CACNA1B: variants seen among roughly 807,000 people sequenced by gnomAD.
CACNA1B encodes voltage-dependent N-type calcium channel subunit alpha-1B.
In CACNA1B, 70 loss-of-function variants were observed where a neutral mutation model predicts 247.2. The ratio of observed to expected loss-of-function variants is 0.28; its 90% CI spans 0.23 to 0.35. CACNA1B has a LOEUF of 0.35. Ranked by LOEUF, CACNA1B falls within the 10% of genes least tolerant of loss-of-function variation. CACNA1B has a pLI of 1.00. For missense variants in CACNA1B, 2,367 were observed against 3,197.4 expected (o/e 0.74, Z 6.26); for synonymous variants, 1,231 against 1,294.4 (o/e 0.95, Z 1.05).
Position 138,088,680 on chromosome 9 carries a change from C to A in CACNA1B, c.5095-7804C>A, listed in dbSNP as rs150144410. On this transcript the variant is annotated intron_variant, in intron 36 of 46. Coordinates refer to ENST00000371372, the MANE Select transcript of CACNA1B (RefSeq NM_000718.4). ...ATTTAAAAATCTCCCATCGGCCGGGCATGGTGGCTTACGTTTGTAATCCCA... is the reference window on the plus strand; with the variant it reads ...ATTTAAAAATCTCCCATCGGCCGGGAATGGTGGCTTACGTTTGTAATCCCA... Among the ~76,000 whole-genome samples the A allele has an allele frequency of 8.5e-3, 1,296 of 151,904 alleles. 19 individuals carry two copies. Among genetic ancestry groups the A allele is most frequent in the African/African-American group, 0.029 (1,199 of 41,448 alleles).
At position 137,944,792 on chromosome 9, in the gene CACNA1B, G is replaced by A. The variant is rs536773609; in HGVS notation, c.967-7482G>A. Among the ~76,000 whole-genome samples the A allele has an allele frequency of 9.2e-5, 14 of 152,292 alleles. No individual in the cohort carries two copies. The South Asian group carries it at 2.9e-3, about 32-fold the overall frequency. On this transcript the variant is annotated intron_variant, in intron 6 of 46. Coordinates refer to ENST00000371372, the MANE Select transcript of CACNA1B (RefSeq NM_000718.4). ...CCTAAGGGGTAGCAGGGCTGGAGGG[G>A]GAGATTGTTTCTCTCCAAATATGAG...
intron 12 of CACNA1B, among the ~76,000 whole-genome samples, chr9:137,980,702 C>A (rs1463915017): frequency 6.6e-6 from 1 of 152,148 alleles, no homozygotes; most frequent in Non-Finnish European, 1.5e-5. Context: ...GTCTATTGTT[C>A]CCTTCTTTGT....
intron 15 of CACNA1B, among the ~76,000 whole-genome samples, chr9:137,997,238 A>AT (rs1362762428): frequency 1.3e-5 from 2 of 151,800 alleles, no homozygotes; most frequent in African/African-American, 4.8e-5. Context: ...GTCCGTGATA[A>AT]TTTTTTTTTA....
At chr9:138,006,087 A>G (rs1158750260) in intron 15 of CACNA1B, among the ~76,000 whole-genome samples, 4 of 151,958 alleles carry the variant, frequency 2.6e-5, no homozygotes, top group Non-Finnish European at 5.9e-5. Context: ...CCACAAATAA[A>G]TAGAAAGTGA....
intron 15 of CACNA1B, among the ~76,000 whole-genome samples, chr9:137,999,462 A>G (rs4242593): frequency 0.99 from 150,155 of 151,870 alleles, 74,239 homozygotes; most frequent in Middle Eastern, 1. Flanking sequence ...ACACTTAAAG[A>G]AAAACTTATA....
At chr9:138,101,279 G>A (rs1219611098) in intron 37 of CACNA1B, 6 of 472,888 alleles carry the variant, frequency 1.3e-5, no homozygotes, top group Non-Finnish European at 2.6e-5. Context: ...CCTGGTTTGG[G>A]AATGACGACG....
At chr9:137,909,484 G>C (rs1957336688) in intron 3 of CACNA1B, among the ~76,000 whole-genome samples, 1 of 152,170 alleles carries the variant, frequency 6.6e-6, no homozygotes, top group Admixed American at 6.5e-5. Context: ...ATTTCACTTA[G>C]AATAATGTTA....
chr9:138,096,308 G>T (rs978118997), intron 36 of CACNA1B, among the ~76,000 whole-genome samples, 176 bp from the exon 37 acceptor site: 1 of 152,058 alleles, frequency 6.6e-6, no homozygotes, highest in African/African-American at 2.4e-5. Flanking sequence ...CCAGAACCCC[G>T]TGAAGGCAGG....
chr9:137,980,604 G>A (rs1424076925), intron 12 of CACNA1B, among the ~76,000 whole-genome samples: 1 of 152,206 alleles, frequency 6.6e-6, no homozygotes, highest in Non-Finnish European at 1.5e-5. Flanking sequence ...GGATACACAC[G>A]ATCCTATCAC....
In CACNA1B at chr9:137,990,958, C is replaced by T. The variant is rs1468645282; in HGVS notation, c.1974+4104C>T. 6.6e-6 allele frequency among the ~76,000 whole-genome samples: 1 copy of T among 152,170 alleles called. No individual in the cohort carries two copies. Among genetic ancestry groups the T allele is most frequent in the East Asian group, 1.9e-4 (1 of 5,190 alleles). ...GATAAGAGAACAGCAGCCCTTGAGTCGCAGATCTTCCCTCTGGTTCCAAAT... is the reference window on the plus strand; with the variant it reads ...GATAAGAGAACAGCAGCCCTTGAGTTGCAGATCTTCCCTCTGGTTCCAAAT... On this transcript the variant is annotated intron_variant, in intron 15 of 46. Transcript: ENST00000371372. This position sits in a 1 kb window ranked among gnomAD's most constrained non-coding sequence, Gnocchi z 4.5.
intron 6 of CACNA1B, among the ~76,000 whole-genome samples, chr9:137,930,684 A>G (rs1007005876): frequency 6.6e-6 from 1 of 152,188 alleles, no homozygotes; most frequent in Non-Finnish European, 1.5e-5. Context: ...AGAGAGGTGT[A>G]GAAGTCTCCA....
chr9:137,982,172 C>G (rs1050758260), intron 12 of CACNA1B, among the ~76,000 whole-genome samples: 1 of 152,210 alleles, frequency 6.6e-6, no homozygotes, highest in Admixed American at 6.5e-5. Flanking sequence ...ACTGGGTGCA[C>G]CTGGCTTGCA....
At chr9:137,997,361 A>G (rs1381970942) in intron 15 of CACNA1B, among the ~76,000 whole-genome samples, 2 of 152,250 alleles carry the variant, frequency 1.3e-5, no homozygotes, top group African/African-American at 4.8e-5. Context: ...GGGATTGACA[A>G]GAAAGAAAAC....
At position 138,059,886 on chromosome 9, in the gene CACNA1B, G is replaced by C; in HGVS notation, c.4668+149G>C. Reference sequence around the variant, plus strand: ...ATGTGGAGGCTTCGCTCCAGGGGTGGAGTTTAGGGATTGGGTGTTACCTCA... The same window carrying C: ...ATGTGGAGGCTTCGCTCCAGGGGTGCAGTTTAGGGATTGGGTGTTACCTCA... On this transcript the variant is annotated intron_variant, in intron 31 of 46. Coordinates refer to ENST00000371372, the MANE Select transcript of CACNA1B (RefSeq NM_000718.4). This position sits in a 1 kb window ranked among gnomAD's most constrained non-coding sequence, Gnocchi z 4.2. 1 of 614,682 alleles carries C rather than the reference G, an allele frequency of 1.6e-6. No homozygotes were observed. The highest frequency in any genetic ancestry group is 2.9e-6 in the Non-Finnish European group (1 of 340,092). 38.1% of individuals were successfully genotyped at this position (614,682 alleles called of 1,614,324 possible).
chr9:138,028,022 C>CTTT (rs1226057823), intron 20 of CACNA1B, among the ~76,000 whole-genome samples: 10 of 141,112 alleles, frequency 7.1e-5, no homozygotes, highest in Non-Finnish European at 1.2e-4. Flanking sequence ...TCCCCCCCAA[C>CTTT]CTTTTTTTTT....
rs556960560 is a variant in CACNA1B, at chr9:138,010,197, C to T, written c.2160+120C>T. On this transcript the variant is annotated intron_variant, in intron 17 of 46. Transcript: ENST00000371372. This position sits in a 1 kb window ranked among gnomAD's most constrained non-coding sequence, Gnocchi z 5.3. ...CCAGGAGCGTTGCCTTGGGTCCTGG[C>T]GGGCAGAGGCTGGTCTGTCACTCAG... The T allele has an allele frequency of 9.6e-5, 67 of 697,530 alleles. 1 individual carries two copies. Among genetic ancestry groups the T allele is most frequent in the African/African-American group, 7.3e-4 (41 of 55,900 alleles). 43.2% of individuals were successfully genotyped at this position (697,530 alleles called of 1,614,324 possible).
chr9:138,120,602 C>G (rs1248693766), intron 45 of CACNA1B, 29 bp from the exon 46 acceptor site: 1 of 1,475,748 alleles, frequency 6.8e-7, no homozygotes, highest in African/African-American at 1.4e-5. Flanking sequence ...TGGGCCTGGC[C>G]GTGCTAACTT....
Position 137,888,356 on chromosome 9 carries a change from C to T in CACNA1B, c.530+5473C>T, listed in dbSNP as rs570147838. ...CCCCACGTCACTGCCTCTGCCCTCCCGGGCCCCTCAGGAAGCCCCTGTCAA... is the reference window on the plus strand; with the variant it reads ...CCCCACGTCACTGCCTCTGCCCTCCTGGGCCCCTCAGGAAGCCCCTGTCAA... On this transcript the variant is annotated intron_variant, in intron 3 of 46. Coordinates refer to ENST00000371372, the MANE Select transcript of CACNA1B (RefSeq NM_000718.4). The surrounding 1 kb of genome is among the most constrained non-coding windows in gnomAD (Gnocchi z 4.7). 6.7e-4 allele frequency among the ~76,000 whole-genome samples: 102 copies of T among 152,170 alleles called. 1 individual carries two copies. Among genetic ancestry groups the T allele is most frequent in the African/African-American group, 2.3e-3 (94 of 41,534 alleles).
intron 3 of CACNA1B, among the ~76,000 whole-genome samples, chr9:137,895,016 A>G (rs904133724): frequency 7.2e-5 from 11 of 152,110 alleles, no homozygotes; most frequent in African/African-American, 2.7e-4. Context: ...CATTTTACAC[A>G]TATCAGCTGT....
Sources: gnomAD v4.1 joint callset for allele counts (sites outside exome capture counted in the v4.1 genomes callset) on GRCh38, gnomAD v4.1.1 for gene constraint, Gnocchi (gnomAD v3.1) non-coding constraint, MANE v1.5 for transcripts, NCBI Gene and HGNC (gene_info 2026-07-23, HGNC 2026-07-21) for gene names.